The following SYTL2 variants were observed in gnomAD, a reference collection of about 807,000 sequenced individuals.
SYTL2 encodes synaptotagmin-like protein 2.
In SYTL2, 165 loss-of-function variants were observed where a neutral mutation model predicts 198.7. That is an observed-to-expected ratio of 0.83 (90% CI 0.73 to 0.94). The LOEUF (loss-of-function observed/expected upper bound fraction) is 0.94. Ranked by LOEUF, SYTL2 falls within the 40% of genes least tolerant of loss-of-function variation. The pLI is 0.00. For missense variants in SYTL2, 2,835 were observed against 2,582.8 expected (o/e 1.10, Z -2.12); for synonymous variants, 966 against 917.7 (o/e 1.05, Z -0.95).
the SYTL2 span, among the ~76,000 whole-genome samples, chr11:85,833,521 T>G: frequency 6.6e-6 from 1 of 151,080 alleles, no homozygotes; most frequent in Non-Finnish European, 1.5e-5. Flanking sequence ...GGAAAGCCAT[T>G]TGGACACTGG....
chr11:85,710,224 T>C (rs1399242177), intron 13 of SYTL2, among the ~76,000 whole-genome samples: 1 of 152,180 alleles, frequency 6.6e-6, no homozygotes, highest in Non-Finnish European at 1.5e-5. Flanking sequence ...AAAGGAATTT[T>C]ACCATGTTAC....
At chr11:85,853,657 T>TAAAAAAAAAAAAA in the SYTL2 span, 1 of 82,638 alleles carries the variant, frequency 1.2e-5, no homozygotes, top group Non-Finnish European at 2.5e-5. Flanking sequence ...GAATGATCAA[T>TAAAAAAAAAAAAA]AAAAAAAAAA....
intron 9 of SYTL2, chr11:85,719,184 A>G (rs1005765721): frequency 3.1e-6 from 4 of 1,284,050 alleles, no homozygotes; most frequent in Non-Finnish European, 4.0e-6. Flanking sequence ...GTATGATGCT[A>G]GCCATGACTA....
At chr11:85,718,436 T>C (rs1446611600) in intron 10 of SYTL2, 2 of 225,126 alleles carry the variant, frequency 8.9e-6, no homozygotes, top group Admixed American at 5.1e-5. Context: ...AACAGAAGAA[T>C]AACTTAACCC....
the SYTL2 span, among the ~76,000 whole-genome samples, chr11:85,846,307 T>C: frequency 1.3e-5 from 2 of 152,200 alleles, no homozygotes; most frequent in Admixed American, 6.5e-5. Flanking sequence ...GTCATTTCCA[T>C]ACTCTCTTGC....
At chr11:85,804,523 G>A (rs147772521) in intron 1 of SYTL2, among the ~76,000 whole-genome samples, 161 of 152,184 alleles carry the variant, frequency 1.1e-3, no homozygotes, top group African/African-American at 3.6e-3. Flanking sequence ...TCATAAAATA[G>A]AAACAATCAT....
At chr11:85,707,793 T>C (rs1464626121) in intron 14 of SYTL2, among the ~76,000 whole-genome samples, 2 of 151,680 alleles carry the variant, frequency 1.3e-5, no homozygotes, top group African/African-American at 4.8e-5. Context: ...TTAACTAATA[T>C]GCAGGGGTGG....
chr11:85,744,094 G>A (rs753026502), intron 4 of SYTL2, among the ~76,000 whole-genome samples: 7 of 152,086 alleles, frequency 4.6e-5, no homozygotes, highest in Non-Finnish European at 1.0e-4. Flanking sequence ...TAGGCAGGTG[G>A]CAAGTGGGGA....
Position 85,725,561 on chromosome 11 carries a change from A to T in SYTL2, c.3797T>A (p.Ile1266Lys). The T allele has an allele frequency of 1.2e-6, 2 of 1,614,044 alleles. No homozygotes were observed. The highest frequency in any genetic ancestry group is 1.7e-6 in the Non-Finnish European group (2 of 1,179,968). Residue 1266 changes from isoleucine (I) to lysine (K), a missense_variant, in exon 8 of 20, where the codon ATA becomes AAA. Ile to Lys is a moderately radical substitution (Grantham distance 102). Transcript: ENST00000359152. ...SHNTSADKRE[I>K]LAPFPVRDET... is the part of the protein sequence containing the mutation. ...ATCTCTCACTGGAAAAGGAGCTAGT[A>T]TTTCTCTCTTATCAGCTGAAGTATT...
chr11:85,792,802 C>A (rs570577697), intron 1 of SYTL2, among the ~76,000 whole-genome samples: 26 of 151,666 alleles, frequency 1.7e-4, no homozygotes, highest in Non-Finnish European at 3.1e-4. Flanking sequence ...CAACAGTCCC[C>A]AGAGTGTGAT....
chr11:85,814,728 G>A (rs932156142), upstream of SYTL2, among the ~76,000 whole-genome samples: 3 of 152,142 alleles, frequency 2.0e-5, no homozygotes, highest in Admixed American at 1.3e-4. Flanking sequence ...TTGCTAAATC[G>A]TTTAGTTTTA....
chr11:85,751,665 ATT>A (rs1185433977), intron 2 of SYTL2, among the ~76,000 whole-genome samples: 1 of 152,206 alleles, frequency 6.6e-6, no homozygotes, highest in Admixed American at 6.5e-5. Context: ...TGTCCTGGTC[ATT>A]CTCTCGTTCA....
At chr11:85,802,012 T>C (rs796584126) in intron 1 of SYTL2, among the ~76,000 whole-genome samples, 11 of 151,462 alleles carry the variant, frequency 7.3e-5, no homozygotes, top group African/African-American at 2.4e-4. Context: ...GATGGGGTTT[T>C]ACTATGTTAG....
At chr11:85,854,462 G>A in the SYTL2 span, 23 of 151,964 alleles carry the variant, frequency 1.5e-4, no homozygotes, top group Admixed American at 3.3e-4. Context: ...AGCGAAGAGT[G>A]GGAAATGCTG....
Position 85,727,342 on chromosome 11 carries a change from A to G in SYTL2, c.2016T>C (p.Ser672=), listed in dbSNP as rs1335890451. 1 of 1,536,086 alleles carries G rather than the reference A, an allele frequency of 6.5e-7. No individual in the cohort carries two copies. Among genetic ancestry groups the G allele is most frequent in the African/African-American group, 1.4e-5 (1 of 73,140 alleles). Residue 672 remains serine (S), a synonymous_variant, in exon 8 of 20, where the codon AGT becomes AGC. Coordinates refer to ENST00000359152, the MANE Select transcript of SYTL2 (RefSeq NM_206927.4). ...TTTCTGCATCAGATTCCTTGAGAAC[A>G]CTGTAGGAATAGTTACTATTTGAAG... ...ASPSNSNYSY[S]VLKESDAENQ...
At chr11:85,830,210 T>C in the SYTL2 span, among the ~76,000 whole-genome samples, 1 of 152,196 alleles carries the variant, frequency 6.6e-6, no homozygotes, top group African/African-American at 2.4e-5. Context: ...GGGCCCCTAT[T>C]CATTTCATTC....
At chr11:85,760,288 C>T (rs546327912) in intron 1 of SYTL2, among the ~76,000 whole-genome samples, 1 of 152,302 alleles carries the variant, frequency 6.6e-6, no homozygotes, top group South Asian at 2.1e-4. Flanking sequence ...TTGGAAGCCA[C>T]TGAGGTTTGG....
intron 12 of SYTL2, among the ~76,000 whole-genome samples, chr11:85,713,696 T>C (rs1265130217): frequency 5.9e-5 from 9 of 152,224 alleles, no homozygotes; most frequent in Non-Finnish European, 1.2e-4. Context: ...CCTTACCACA[T>C]ATAGTTAGTA....
intron 1 of SYTL2, among the ~76,000 whole-genome samples, chr11:85,780,807 A>G (rs1164589361): frequency 1.3e-5 from 2 of 152,362 alleles, no homozygotes; most frequent in Non-Finnish European, 2.9e-5. Context: ...TCAGTCAATC[A>G]GAAATATAGG....
Sources: allele counts gnomAD v4.1 joint callset (sites outside exome capture counted in the v4.1 genomes callset), GRCh38; gene constraint gnomAD v4.1.1; transcripts MANE v1.5; gene names NCBI Gene and HGNC (gene_info 2026-07-23, HGNC 2026-07-21).